The following CYB5R2 variants were observed in gnomAD, a reference collection of about 807,000 sequenced individuals.
CYB5R2 encodes the protein cytochrome b5 reductase 2.
A neutral mutation model predicts 29.8 loss-of-function variants in CYB5R2; 35 were observed. The observed-to-expected ratio is 1.17, with a 90% CI of 0.90 to 1.56. CYB5R2 has a LOEUF of 1.56. Ranked by LOEUF, CYB5R2 falls within the 40% of genes most tolerant of loss-of-function variation. The probability of loss-of-function intolerance (pLI) is 0.00; values close to 1 mark genes in which losing one functional copy is unlikely to be tolerated. For missense variants in CYB5R2, 419 were observed against 346.7 expected, an observed-to-expected ratio of 1.21 and a Z score of -1.66; for synonymous variants, 169 against 130.6, an observed-to-expected ratio of 1.29 and a Z score of -2.01.
intron 1 of CYB5R2, 22 bp from the exon 2 acceptor site, chr11:7,672,913 G>C: frequency 1.2e-6 from 2 of 1,601,232 alleles, no homozygotes; most frequent in Non-Finnish European, 1.7e-6. Flanking sequence ...AATGTGAACA[G>C]AGCACCTCAG....
Position 7,665,107 on chromosome 11 carries a change from T to G in CYB5R2, c.*267A>C. ...GAGCCACACTTCATGGGCTGTCTGCTTTGTACTTGAGTTTATTTCACAAAA... is the reference window on the plus strand; with the variant it reads ...GAGCCACACTTCATGGGCTGTCTGCGTTGTACTTGAGTTTATTTCACAAAA... On this transcript the variant is annotated 3_prime_UTR_variant, in exon 9 of 9. Coordinates refer to ENST00000299498, the MANE Select transcript of CYB5R2 (RefSeq NM_016229.5). 1 of 303,490 alleles carries G rather than the reference T, an allele frequency of 3.3e-6. No homozygotes were observed. Among genetic ancestry groups the G allele is most frequent in the Non-Finnish European group, 6.1e-6 (1 of 163,868 alleles). The allele number at this position is 303,490 out of a possible 1,614,324, so 18.8% of individuals were successfully genotyped here.
chr11:7,674,078 G>A, upstream of CYB5R2: 13 of 1,192,226 alleles, frequency 1.1e-5, no homozygotes, highest in African/African-American at 1.6e-5. Flanking sequence ...CCCTGCACAC[G>A]CAGAGCTGCC....
At chr11:7,670,053 A>T (rs1855631388) in intron 3 of CYB5R2, 1 of 284,676 alleles carries the variant, frequency 3.5e-6, no homozygotes, top group African/African-American at 2.3e-5. Flanking sequence ...AAAGTTGGAG[A>T]GTGAGTATTA....
intron 3 of CYB5R2, chr11:7,670,425 C>G (rs1286637012): frequency 6.6e-6 from 1 of 152,308 alleles, no homozygotes; most frequent in Non-Finnish European, 1.5e-5. Context: ...AAACTCCTTT[C>G]TTCCTAAACT....
In CYB5R2 at chr11:7,666,453, A is replaced by G. The variant is rs1487346083; in HGVS notation, c.656T>C (p.Ile219Thr). ...AGTGAGGGCAATGGATGTCGTACCAATGGGAGGCCTGTCCAGGGTGTACCA... is the reference window on the plus strand; with the variant it reads ...AGTGAGGGCAATGGATGTCGTACCAGTGGGAGGCCTGTCCAGGGTGTACCA... The part of the protein sequence containing the change: ...NLWYTLDRPP[I>T]GWKYSSGFVT... The change falls in exon 8 of 9, where the codon ATT becomes ACT. Residue 219 changes from isoleucine to threonine, a missense_variant and splice_region_variant. By Grantham distance (89) the Ile-to-Thr change is moderately conservative. Coordinates refer to ENST00000299498, the MANE Select transcript of CYB5R2 (RefSeq NM_016229.5). 6.2e-7 allele frequency: 1 copy of G among 1,606,992 alleles called. No individual in the cohort carries two copies. The highest frequency in any genetic ancestry group is 8.5e-7 in the Non-Finnish European group (1 of 1,174,040).
chr11:7,665,721 T>G, intron 8 of CYB5R2, 175 bp from the exon 9 acceptor site: 1 of 1,176,420 alleles, frequency 8.5e-7, no homozygotes, highest in Non-Finnish European at 1.2e-6. Flanking sequence ...AACAGCCCTC[T>G]GCAGCAATCA....
chr11:7,665,940 C>T, intron 8 of CYB5R2: 1 of 1,535,380 alleles, frequency 6.5e-7, no homozygotes, highest in African/African-American at 1.4e-5. Context: ...GACCAGGGAC[C>T]TGTATGACAA....
At chr11:7,669,764 C>A in intron 3 of CYB5R2, 33 bp from the exon 4 acceptor site, 1 of 1,493,764 alleles carries the variant, frequency 6.7e-7, no homozygotes, top group African/African-American at 1.4e-5. Context: ...TGAGTCAAAG[C>A]ATATTTAGCT....
At chr11:7,674,073 C>T, upstream of CYB5R2, 1 of 1,192,178 alleles carries the variant, frequency 8.4e-7, no homozygotes, top group Non-Finnish European at 1.1e-6. Context: ...CCCTTCCCTG[C>T]ACACGCAGAG....
In CYB5R2 at chr11:7,665,238, A is replaced by AAAGAGGAGAACCAGTGTGTGCGCGAAG. The variant is rs1855033066; in HGVS notation, c.*109_*135dup. ...GCCCTTTTTGTTAGGCCCACACCCA[A>AAAGAGGAGAACCAGTGTGTGCGCGAAG]AAGAGGAGAACCAGTGTGTGCGCGA... On this transcript the variant is annotated 3_prime_UTR_variant, in exon 9 of 9. Transcript: ENST00000299498. 2 of 747,642 alleles carry AAAGAGGAGAACCAGTGTGTGCGCGAAG rather than the reference A, an allele frequency of 2.7e-6. No individual in the cohort carries two copies. 46.3% of individuals were successfully genotyped at this position (747,642 alleles called of 1,614,324 possible).
At chr11:7,673,764 G>T, upstream of CYB5R2, 1 of 954,700 alleles carries the variant, frequency 1.0e-6, no homozygotes, top group Non-Finnish European at 1.2e-6. Context: ...TTGGCCGGGG[G>T]CCGCTCCCCG....
rs1474537921 is a variant in CYB5R2 at position 7,665,314 on chromosome 11, TTGAACTTACTC to T, written c.*49_*59del. ...AACATCCCAGTTTACCGTGGTGAAA[TTGAACTTACTC>T]TGAAACAGATGAAAAGGGACATGCA... On this transcript the variant is annotated 3_prime_UTR_variant, in exon 9 of 9. Coordinates refer to ENST00000299498, the MANE Select transcript of CYB5R2 (RefSeq NM_016229.5). The T allele has an allele frequency of 9.5e-6, 13 of 1,362,632 alleles. No individual in the cohort carries two copies. Among genetic ancestry groups the T allele is most frequent in the Middle Eastern group, 3.7e-4 (2 of 5,376 alleles). The allele number at this position is 1,362,632 out of a possible 1,614,324, so 84.4% of individuals were successfully genotyped here. A position where few individuals can be genotyped will look rare whatever the true frequency, so the allele number is the denominator to read the frequency against.
upstream of CYB5R2, chr11:7,674,256 G>C: frequency 3.1e-6 from 4 of 1,289,030 alleles, no homozygotes; most frequent in South Asian, 3.7e-5. Context: ...GCCTGGTCCG[G>C]GGCGGGTGTT....
chr11:7,672,947 A>G, intron 1 of CYB5R2, 56 bp from the exon 2 acceptor site: 1 of 1,539,362 alleles, frequency 6.5e-7, no homozygotes, highest in Non-Finnish European at 8.8e-7. Flanking sequence ...TGGACAGGGC[A>G]GCTCTCAGGC....
chr11:7,671,624 G>T (rs528416610), intron 3 of CYB5R2: 74 of 151,890 alleles, frequency 4.9e-4, no homozygotes, highest in African/African-American at 1.8e-3. Context: ...CAGCGAGCTG[G>T]CTAGAGTGTA....
chr11:7,673,382 G>A, intron 1 of CYB5R2, 37 bp downstream of exon 1: 1 of 998,730 alleles, frequency 1.0e-6, no homozygotes, highest in Admixed American at 5.3e-5. Flanking sequence ...GCACTCAACT[G>A]CCAGAGACTC....
intron 5 of CYB5R2, 146 bp downstream of exon 5, chr11:7,669,059 A>G (rs115981610): frequency 9.9e-7 from 1 of 1,007,352 alleles, no homozygotes; most frequent in African/African-American, 1.6e-5. Context: ...ATGTGTAACA[A>G]GTGTGATCAT....
At chr11:7,669,122 A>C (rs1480535093) in intron 5 of CYB5R2, 83 bp downstream of exon 5, 1 of 1,552,880 alleles carries the variant, frequency 6.4e-7, no homozygotes, top group Non-Finnish European at 8.9e-7. Context: ...TGTGACTCAA[A>C]TCTGAGGAGT....
chr11:7,672,797 G>T lies in CYB5R2; in HGVS notation c.29C>A (p.Thr10Asn), dbSNP rs193208545. The T allele has an allele frequency of 6.2e-6, 10 of 1,614,044 alleles. No individual in the cohort carries two copies. In the East Asian group the frequency reaches 2.0e-4, roughly 32 times the overall value. MNSRRREPI[T>N]LQDPEAKYPL... is the part of the protein sequence containing the mutation. ...GTACTTGGCTTCAGGGTCCTGTAAG[G>T]TGATTGGCTCTCTCCTCCTGGAGTT... The change falls in exon 2 of 9, where the codon ACC becomes AAC. Residue 10 changes from threonine to asparagine, a missense_variant. By Grantham distance (65) the Thr-to-Asn change is moderately conservative. Transcript: ENST00000299498.
Sources: allele counts gnomAD v4.1 joint callset, GRCh38; gene constraint gnomAD v4.1.1; transcripts MANE v1.5; gene names NCBI Gene and HGNC (gene_info 2026-07-23, HGNC 2026-07-21).